CAMKMT: variants seen among roughly 807,000 people sequenced by gnomAD.
CAMKMT encodes the protein calmodulin-lysine N-methyltransferase.
CAMKMT carries 53 observed loss-of-function variants against 48.0 expected under a neutral mutation model. The ratio of observed to expected loss-of-function variants is 1.10; its 90% confidence interval spans 0.89 to 1.39. CAMKMT has a LOEUF of 1.39. CAMKMT is among the 40% of genes most tolerant of loss of function. CAMKMT has a pLI of 0.00. For missense variants in CAMKMT, 428 were observed against 402.7 expected, an observed-to-expected ratio of 1.06 and a Z score of -0.54; for synonymous variants, 165 against 152.3, an observed-to-expected ratio of 1.08 and a Z score of -0.61.
chr2:44,473,836 C>G (rs1668544797), intron 3 of CAMKMT, among the ~76,000 whole-genome samples: 1 of 152,184 alleles, frequency 6.6e-6, no homozygotes, highest in Non-Finnish European at 1.5e-5. Context: ...TCTTCTGTGC[C>G]TGATCTTTGG....
chr2:44,716,070 C>A (rs1355091919), intron 7 of CAMKMT, among the ~76,000 whole-genome samples: 2 of 152,106 alleles, frequency 1.3e-5, no homozygotes, highest in Admixed American at 1.3e-4. Context: ...AGTGAGTAAT[C>A]ATTTCATAGT....
At chr2:44,576,342 A>AG (rs754867170) in intron 3 of CAMKMT, among the ~76,000 whole-genome samples, 127 of 151,708 alleles carry the variant, frequency 8.4e-4, no homozygotes, top group Non-Finnish European at 1.3e-3. Flanking sequence ...AAAAAAAAAA[A>AG]AAAAGAAAAG....
intron 3 of CAMKMT, among the ~76,000 whole-genome samples, chr2:44,443,783 G>A (rs1666815701): frequency 6.6e-6 from 1 of 152,150 alleles, no homozygotes; most frequent in Admixed American, 6.5e-5. Context: ...ACATGAAAAT[G>A]TTATGTTGTG....
At chr2:44,450,319 G>GT (rs1039612692) in intron 3 of CAMKMT, among the ~76,000 whole-genome samples, 17 of 152,216 alleles carry the variant, frequency 1.1e-4, no homozygotes, top group African/African-American at 3.6e-4. Flanking sequence ...AGTGGTCACT[G>GT]TTTTTGACAT....
At chr2:44,481,891 A>G (rs963517243) in intron 3 of CAMKMT, among the ~76,000 whole-genome samples, 3 of 152,012 alleles carry the variant, frequency 2.0e-5, no homozygotes, top group Non-Finnish European at 4.4e-5. Flanking sequence ...AACAGCTTAG[A>G]CTCATTTAAA....
rs113565380 is a variant in CAMKMT, at chr2:44,423,861, C to A, written c.376+33556C>A. On this transcript the variant is annotated intron_variant, in intron 3 of 10. Transcript: ENST00000378494. ...AACATTTTTAACTTTTCTAAGTAGT[C>A]TTCTGGCAGTTATTTCCATATTTCT... is the stretch of plus-strand genomic sequence containing the variant. Among the ~76,000 whole-genome samples the A allele has an allele frequency of 1.8e-3, 267 of 152,276 alleles. No individual in the cohort carries two copies. In the Middle Eastern group the frequency reaches 0.027, roughly 16 times the overall value.
intron 3 of CAMKMT, among the ~76,000 whole-genome samples, chr2:44,509,922 A>T (rs1198183983): frequency 1.3e-5 from 2 of 152,218 alleles, no homozygotes; most frequent in Non-Finnish European, 2.9e-5. Flanking sequence ...GGTCTCCAGA[A>T]CTGTGAATCA....
At chr2:44,725,001 A>C (rs1198872200) in intron 7 of CAMKMT, among the ~76,000 whole-genome samples, 1 of 152,204 alleles carries the variant, frequency 6.6e-6, no homozygotes, top group Non-Finnish European at 1.5e-5. Context: ...TCTGCAATGC[A>C]AGGGACAGTT....
intron 3 of CAMKMT, among the ~76,000 whole-genome samples, chr2:44,414,470 G>T (rs975076239): frequency 1.8e-4 from 27 of 152,174 alleles, no homozygotes; most frequent in Non-Finnish European, 3.4e-4. Flanking sequence ...GCTAACTGTT[G>T]ATTAGATGCT....
intron 3 of CAMKMT, among the ~76,000 whole-genome samples, chr2:44,455,302 G>C (rs1305392965): frequency 6.6e-6 from 1 of 152,054 alleles, no homozygotes; most frequent in Non-Finnish European, 1.5e-5. Flanking sequence ...GAAGTCACCA[G>C]CGATTCCAGT....
intron 2 of CAMKMT, among the ~76,000 whole-genome samples, chr2:44,373,390 CT>C (rs1301035676): frequency 6.6e-6 from 1 of 152,104 alleles, no homozygotes; most frequent in African/African-American, 2.4e-5. Flanking sequence ...ACTGTTCTGA[CT>C]TTAAAAATCA....
intron 3 of CAMKMT, among the ~76,000 whole-genome samples, chr2:44,514,052 A>T (rs1255206251): frequency 6.6e-6 from 1 of 151,020 alleles, no homozygotes; most frequent in Non-Finnish European, 1.5e-5. Flanking sequence ...CAATGAGTTG[A>T]GATTGCGCCA....
intron 7 of CAMKMT, among the ~76,000 whole-genome samples, chr2:44,716,343 G>C (rs550867742): frequency 3.9e-5 from 6 of 152,056 alleles, no homozygotes; most frequent in Admixed American, 6.5e-5. Context: ...ATACAGCCCC[G>C]GCAGCCAGTG....
At chr2:44,644,134 A>C (rs1275494324) in intron 3 of CAMKMT, among the ~76,000 whole-genome samples, 1 of 152,188 alleles carries the variant, frequency 6.6e-6, no homozygotes, top group Non-Finnish European at 1.5e-5. Flanking sequence ...CAAATTGTAC[A>C]AGTGCCGAGG....
intron 8 of CAMKMT, among the ~76,000 whole-genome samples, chr2:44,746,938 G>A (rs1403676305): frequency 2.0e-5 from 3 of 152,276 alleles, no homozygotes; most frequent in Admixed American, 6.5e-5. Context: ...TCCAATGAAC[G>A]CTTTCATTCA....
intron 3 of CAMKMT, among the ~76,000 whole-genome samples, chr2:44,535,866 T>C (rs1472516357): frequency 6.6e-6 from 1 of 152,054 alleles, no homozygotes; most frequent in Non-Finnish European, 1.5e-5. Context: ...CTATTCAACA[T>C]AGGAACAATC....
rs1475483587 is a variant in CAMKMT, at chr2:44,653,695, T to A, written c.377-50588T>A. Among the ~76,000 whole-genome samples, 1 of 152,164 alleles carries A rather than the reference T, an allele frequency of 6.6e-6. No homozygotes were observed. Among genetic ancestry groups the A allele is most frequent in the Non-Finnish European group, 1.5e-5 (1 of 68,024 alleles). On this transcript the variant is annotated intron_variant, in intron 3 of 10. Coordinates refer to ENST00000378494, the MANE Select transcript of CAMKMT (RefSeq NM_024766.5). The surrounding 1 kb of genome is among the most constrained non-coding windows in gnomAD (Gnocchi z 5.2). ...GTGACCAACCAAGATTAATGAAAAA[T>A]TTTATCCCCCTTTTAAGTAAATTAA...
At chr2:44,448,571 T>C (rs1427457920) in intron 3 of CAMKMT, among the ~76,000 whole-genome samples, 1 of 152,210 alleles carries the variant, frequency 6.6e-6, no homozygotes, top group African/African-American at 2.4e-5. Flanking sequence ...TATGAGAGTT[T>C]AGTAATTGTG....
intron 1 of CAMKMT, among the ~76,000 whole-genome samples, chr2:44,369,021 G>A (rs1005632248): frequency 1.3e-5 from 2 of 152,060 alleles, no homozygotes; most frequent in African/African-American, 4.8e-5. Flanking sequence ...AAGAACCTGG[G>A]ATTACAGGTG....
Sources: gnomAD v4.1 joint callset for allele counts (sites outside exome capture counted in the v4.1 genomes callset) on GRCh38, gnomAD v4.1.1 for gene constraint, Gnocchi (gnomAD v3.1) non-coding constraint, MANE v1.5 for transcripts, NCBI Gene and HGNC (gene_info 2026-07-23, HGNC 2026-07-21) for gene names.